ATOSA: variants seen among roughly 807,000 people sequenced by gnomAD.
ATOSA encodes the protein atos homolog A, also known as atos homolog protein A.
the ATOSA span, among the ~76,000 whole-genome samples, chr15:52,662,323 A>G: frequency 6.6e-6 from 1 of 152,178 alleles, no homozygotes. Context: ...AAAGCCTCTA[A>G]TCCCATAGAA....
At chr15:52,704,270 T>C in the ATOSA span, among the ~76,000 whole-genome samples, 4 of 152,154 alleles carry the variant, frequency 2.6e-5, no homozygotes, top group Non-Finnish European at 5.9e-5. Flanking sequence ...ATTCCTTATT[T>C]AATAAATGGC....
chr15:52,651,942 C>T, the ATOSA span: 2 of 1,535,098 alleles, frequency 1.3e-6, no homozygotes, highest in South Asian at 1.2e-5. Context: ...TGCCTTCTGG[C>T]TATCAATAGC....
the ATOSA span, among the ~76,000 whole-genome samples, chr15:52,622,321 A>G: frequency 6.6e-6 from 1 of 152,212 alleles, no homozygotes; most frequent in Non-Finnish European, 1.5e-5. Context: ...AATCTCAGTG[A>G]GATTCCATAT....
At chr15:52,621,662 G>A in the ATOSA span, among the ~76,000 whole-genome samples, 2 of 152,060 alleles carry the variant, frequency 1.3e-5, no homozygotes, top group African/African-American at 2.4e-5. Flanking sequence ...TTTATAAAGC[G>A]GAGTTCCCCT....
chr15:52,642,428 C>T, the ATOSA span, among the ~76,000 whole-genome samples: 3 of 152,156 alleles, frequency 2.0e-5, no homozygotes, highest in African/African-American at 7.2e-5. Context: ...AACTAGATGG[C>T]CCCTTCCAAT....
the ATOSA span, among the ~76,000 whole-genome samples, chr15:52,594,901 G>C: frequency 6.6e-6 from 1 of 151,978 alleles, no homozygotes; most frequent in African/African-American, 2.4e-5. Flanking sequence ...TTTGTTTCCT[G>C]CTGTCTATAG....
At chr15:52,616,158 G>C in the ATOSA span, among the ~76,000 whole-genome samples, 1 of 152,204 alleles carries the variant, frequency 6.6e-6, no homozygotes, top group African/African-American at 2.4e-5. Context: ...GACGTTAGCA[G>C]TCTATGTTAT....
At chr15:52,637,968 C>A in the ATOSA span, among the ~76,000 whole-genome samples, 9 of 152,126 alleles carry the variant, frequency 5.9e-5, no homozygotes, top group African/African-American at 2.2e-4. Flanking sequence ...GTTTCTACTT[C>A]TTTTTCTTGT....
At chr15:52,621,638 T>C in the ATOSA span, among the ~76,000 whole-genome samples, 65 of 152,234 alleles carry the variant, frequency 4.3e-4, no homozygotes, top group African/African-American at 1.5e-3. Context: ...TTAAGTCTCA[T>C]GAGATCTGAT....
At chr15:52,641,820 T>G in the ATOSA span, among the ~76,000 whole-genome samples, 1 of 152,246 alleles carries the variant, frequency 6.6e-6, no homozygotes, top group African/African-American at 2.4e-5. Flanking sequence ...CTGTTTCCTC[T>G]TTGAAATAGT....
chr15:52,600,156 T>C, the ATOSA span: 1 of 1,608,924 alleles, frequency 6.2e-7, no homozygotes, highest in Non-Finnish European at 8.5e-7. Context: ...CTAAGACTTG[T>C]TATAGGTGGA....
At chr15:52,605,619 G>A in the ATOSA span, among the ~76,000 whole-genome samples, 1 of 152,044 alleles carries the variant, frequency 6.6e-6, no homozygotes, top group Non-Finnish European at 1.5e-5. Flanking sequence ...TACATCTTAT[G>A]TTTACACACA....
the ATOSA span, among the ~76,000 whole-genome samples, chr15:52,676,930 G>C: frequency 6.6e-6 from 1 of 152,128 alleles, no homozygotes; most frequent in Non-Finnish European, 1.5e-5. Context: ...ACCTGCTCAG[G>C]AGCAATACAC....
At chr15:52,662,978 TGA>T in the ATOSA span, among the ~76,000 whole-genome samples, 1 of 152,170 alleles carries the variant, frequency 6.6e-6, no homozygotes. Flanking sequence ...AATGTAATTT[TGA>T]GAGCTAAAAA....
chr15:52,660,213 C>T, the ATOSA span, among the ~76,000 whole-genome samples: 1 of 152,130 alleles, frequency 6.6e-6, no homozygotes. Flanking sequence ...TCTGTGCCAA[C>T]CTGTGACAGG....
At chr15:52,633,773 A>C in the ATOSA span, among the ~76,000 whole-genome samples, 5 of 152,222 alleles carry the variant, frequency 3.3e-5, no homozygotes, top group African/African-American at 1.2e-4. Flanking sequence ...CTGAGAATCT[A>C]TATCTATACA....
the ATOSA span, chr15:52,609,187 C>T: frequency 1.2e-6 from 2 of 1,613,050 alleles, no homozygotes; most frequent in Admixed American, 1.7e-5. Context: ...TTTCAAAGAA[C>T]ACTTTTCTTT....
At chr15:52,682,731 TA>T in the ATOSA span, among the ~76,000 whole-genome samples, 1 of 152,222 alleles carries the variant, frequency 6.6e-6, no homozygotes, top group Non-Finnish European at 1.5e-5. Context: ...AATGTATAAA[TA>T]AATCTGTTCT....
the ATOSA span, among the ~76,000 whole-genome samples, chr15:52,689,860 T>A: frequency 3.9e-5 from 6 of 152,236 alleles, no homozygotes; most frequent in South Asian, 1.0e-3. Flanking sequence ...TCCCTAACAA[T>A]GGGCAATGGA....
Sources: gnomAD v4.1 joint callset for allele counts (sites outside exome capture counted in the v4.1 genomes callset) on GRCh38, gnomAD v4.1.1 for gene constraint, MANE v1.5 for transcripts, NCBI Gene and HGNC (gene_info 2026-07-23, HGNC 2026-07-21) for gene names.